Variants in UNC45A observed in about 807,000 individuals in gnomAD.
UNC45A encodes the protein unc-45 myosin chaperone A.
A neutral mutation model predicts 103.2 loss-of-function variants in UNC45A; 78 were observed. The observed-to-expected ratio is 0.76, with a 90% confidence interval of 0.63 to 0.91. The LOEUF (loss-of-function observed/expected upper bound fraction) is 0.91, where lower values mean the gene tolerates loss of function less well. UNC45A is among the 40% of genes least tolerant of loss of function. The pLI, the probability that UNC45A is intolerant of heterozygous loss-of-function variation, is 0.00. For synonymous variants in UNC45A, 495 were observed against 504.6 expected (o/e 0.98, Z 0.25); for missense variants, 1,193 against 1,224.8 (o/e 0.97, Z 0.39).
chr15:90,949,784 A>G, intron 15 of UNC45A, 64 bp downstream of exon 15: 3 of 1,506,882 alleles, frequency 2.0e-6, no homozygotes, highest in Non-Finnish European at 2.8e-6. Flanking sequence ...ATGACTCAGC[A>G]GCTGCCACGC....
chr15:90,944,112 C>G (rs985103186), intron 8 of UNC45A, among the ~76,000 whole-genome samples: 1 of 143,156 alleles, frequency 7.0e-6, no homozygotes, highest in Non-Finnish European at 1.5e-5. Context: ...AAGAGCTGGG[C>G]GTGGTGCCTC....
upstream of UNC45A, chr15:90,932,088 G>T (rs149008342): frequency 1.2e-6 from 2 of 1,606,908 alleles, no homozygotes; most frequent in Admixed American, 3.4e-5. Flanking sequence ...TTCCCGCCTC[G>T]TGGGTCAGGA....
chr15:90,949,053 T>C (rs767352938), intron 13 of UNC45A, among the ~76,000 whole-genome samples: 70 of 152,054 alleles, frequency 4.6e-4, no homozygotes, highest in Non-Finnish European at 9.1e-4. Flanking sequence ...ATTTTTTGTA[T>C]TTTTAGTGGA....
At chr15:90,943,850 G>A (rs182326417) in intron 8 of UNC45A, among the ~76,000 whole-genome samples, 2 of 151,796 alleles carry the variant, frequency 1.3e-5, no homozygotes, top group African/African-American at 2.4e-5. Context: ...CAGTATGCCC[G>A]GCTAATTCTT....
At chr15:90,944,230 AC>A (rs1287460252) in intron 8 of UNC45A, among the ~76,000 whole-genome samples, 1 of 151,906 alleles carries the variant, frequency 6.6e-6, no homozygotes, top group Non-Finnish European at 1.5e-5. Flanking sequence ...ACTAAAAGAT[AC>A]AAAAAATTAG....
At chr15:90,950,675 C>T in intron 17 of UNC45A, 60 bp downstream of exon 17, 1 of 1,517,338 alleles carries the variant, frequency 6.6e-7, no homozygotes, top group Non-Finnish European at 9.1e-7. Context: ...ATATCCCCCA[C>T]AGCAGTTTAC....
At chr15:90,933,799 C>G, upstream of UNC45A, 1 of 370,216 alleles carries the variant, frequency 2.7e-6, no homozygotes, top group Non-Finnish European at 4.8e-6. Context: ...TCCTCTAGTC[C>G]TTTGAGCCTT....
At chr15:90,932,075 T>C (rs1355938447), upstream of UNC45A, 2 of 1,610,448 alleles carry the variant, frequency 1.2e-6, no homozygotes, top group East Asian at 4.5e-5. Flanking sequence ...ACAATGTCAG[T>C]GATTCCCGCC....
intron 14 of UNC45A, 94 bp from the exon 15 acceptor site, chr15:90,949,560 C>T (rs957237491): frequency 6.3e-7 from 1 of 1,599,772 alleles, no homozygotes; most frequent in Non-Finnish European, 8.5e-7. Flanking sequence ...ACGGGGGCTG[C>T]CTGCGTGGCT....
upstream of UNC45A, chr15:90,931,808 CTCT>C (rs750404897): frequency 3.1e-6 from 5 of 1,614,180 alleles, no homozygotes; most frequent in East Asian, 1.1e-4. Context: ...CACCTGCAGC[CTCT>C]TTCTCTCCAG....
At chr15:90,930,247 C>G (rs1245540428) in exon 1 of UNC45A, 2 of 152,234 alleles carry the variant, frequency 1.3e-5, no homozygotes, top group Non-Finnish European at 2.9e-5. Flanking sequence ...GTTTCCCGCG[C>G]GGCTTGAGGT....
At chr15:90,946,568 C>T in intron 9 of UNC45A, 46 bp from the exon 10 acceptor site, 1 of 1,532,562 alleles carries the variant, frequency 6.5e-7, no homozygotes. Context: ...AGAAGAGTCC[C>T]TTTATGTTGG....
At chr15:90,932,438 G>GGTTGATGTAGGGGGTC, upstream of UNC45A, 1 of 1,365,812 alleles carries the variant, frequency 7.3e-7, no homozygotes, top group Non-Finnish European at 9.4e-7. Context: ...CCGATGGGGT[G>GGTTGATGTAGGGGGTC]GTTGATGTAG....
upstream of UNC45A, chr15:90,932,408 C>T (rs2035833628): frequency 2.3e-6 from 3 of 1,312,980 alleles, no homozygotes; most frequent in South Asian, 3.9e-5. Context: ...GCAGCCGGCG[C>T]TCCGCGGCCG....
chr15:90,948,784 A>G lies in UNC45A; in HGVS notation c.1868A>G (p.Gln623Arg). 1.2e-6 allele frequency: 2 copies of G among 1,606,024 alleles called. No homozygotes were observed. Among genetic ancestry groups the G allele is most frequent in the Non-Finnish European group, 1.7e-6 (2 of 1,176,706 alleles). The change falls in exon 13 of 20, where the codon CAG becomes CGG. Residue 623 changes from glutamine to arginine, a missense_variant. By Grantham distance (43) the Gln-to-Arg change is conservative. Transcript: ENST00000418476. ...AKYAKQHVPE[Q>R]HPKDKPSFVR... The stretch of plus-strand genomic sequence containing the variant: ...TATGCCAAGCAGCATGTGCCCGAGC[A>G]GCACCCCAAGGTGAGGGGCCGCCAG...
intron 2 of UNC45A, 53 bp downstream of exon 2, chr15:90,935,758 T>A: frequency 7.9e-6 from 12 of 1,528,430 alleles, no homozygotes; most frequent in Non-Finnish European, 1.1e-5. Context: ...GGTTCGCCCA[T>A]CTAAGCTGAT....
intron 2 of UNC45A, 30 bp from the exon 3 acceptor site, chr15:90,935,916 T>A: frequency 6.2e-7 from 1 of 1,613,938 alleles, no homozygotes; most frequent in Non-Finnish European, 8.5e-7. Flanking sequence ...GAGATGACCA[T>A]TCCTTCAGGC....
rs1188046217 is a variant in UNC45A, at chr15:90,953,508, A to G, written c.2627A>G (p.Gln876Arg). ...CAGGCCCTGCTTCTGAGCTCCAACCAGGAGCTGCAGCACCGGGGTGCTGTG... is the reference window on the plus strand; with the variant it reads ...CAGGCCCTGCTTCTGAGCTCCAACCGGGAGCTGCAGCACCGGGGTGCTGTG... ...ILQALLLSSN[Q>R]ELQHRGAVVV... The change falls in exon 20 of 20, where the codon CAG (glutamine) becomes CGG (arginine). Residue 876 changes from glutamine (Q) to arginine (R), a missense_variant. Gln to Arg is a conservative substitution (Grantham distance 43). Coordinates refer to ENST00000418476, the MANE Select transcript of UNC45A (RefSeq NM_018671.5). 6.2e-7 allele frequency: 1 copy of G among 1,614,108 alleles called. No homozygotes were observed. The highest frequency in any genetic ancestry group is 1.1e-5 in the South Asian group (1 of 91,074).
At position 90,953,840 on chromosome 15, in the gene UNC45A, C is replaced by A; in HGVS notation, c.*124C>A. On this transcript the variant is annotated 3_prime_UTR_variant, in exon 20 of 20. Transcript: ENST00000418476. ...CAATACTCTTGCCCATCCTCGCTTG[C>A]TGCCCTAGGATGTCCTCTGTTCTGA... 7.2e-7 allele frequency: 1 copy of A among 1,385,294 alleles called. No homozygotes were observed. Among genetic ancestry groups the A allele is most frequent in the Non-Finnish European group, 9.8e-7 (1 of 1,021,960 alleles). 85.8% of individuals were successfully genotyped at this position (1,385,294 alleles called of 1,614,324 possible). A position where few individuals can be genotyped will look rare whatever the true frequency, so the allele number is the denominator to read the frequency against.
Sources: allele counts gnomAD v4.1 joint callset (sites outside exome capture counted in the v4.1 genomes callset), GRCh38; gene constraint gnomAD v4.1.1; transcripts MANE v1.5; gene names NCBI Gene and HGNC (gene_info 2026-07-23, HGNC 2026-07-21).